Variants in ANKS1A observed in about 807,000 individuals in gnomAD.
The protein encoded by ANKS1A is ankyrin repeat and sterile alpha motif domain containing 1A, also known as ankyrin repeat and SAM domain-containing protein 1A.
A neutral mutation model predicts 120.3 loss-of-function variants in ANKS1A; 55 were observed. The observed-to-expected ratio is 0.46, with a 90% CI of 0.37 to 0.57. The LOEUF (loss-of-function observed/expected upper bound fraction) is 0.57, where lower values mean the gene tolerates loss of function less well. Among genes scored for constraint, ANKS1A ranks in the 20% least tolerant of loss-of-function variants. The pLI is 0.00. For synonymous variants in ANKS1A, 590 were observed against 604.7 expected, an observed-to-expected ratio of 0.98 and a Z score of 0.36; for missense variants, 1,123 against 1,480.3, an observed-to-expected ratio of 0.76 and a Z score of 3.96.
At chr6:34,968,673 G>C (rs897789493) in intron 2 of ANKS1A, among the ~76,000 whole-genome samples, 1 of 152,000 alleles carries the variant, frequency 6.6e-6, no homozygotes, top group African/African-American at 2.4e-5. Flanking sequence ...CCTGACCTCA[G>C]GTGATCCACC....
intron 1 of ANKS1A, among the ~76,000 whole-genome samples, chr6:34,894,324 A>G (rs527299902): frequency 6.6e-6 from 1 of 152,326 alleles, no homozygotes; most frequent in South Asian, 2.1e-4. Flanking sequence ...TCTATCAACT[A>G]AAAGGCCAAA....
At chr6:35,025,508 G>C (rs1774578710) in intron 11 of ANKS1A, among the ~76,000 whole-genome samples, 1 of 151,950 alleles carries the variant, frequency 6.6e-6, no homozygotes, top group Non-Finnish European at 1.5e-5. Flanking sequence ...AGCGGGGTTG[G>C]GGGAGTGGGG....
chr6:34,953,172 A>G (rs1193387436), intron 1 of ANKS1A, among the ~76,000 whole-genome samples: 1 of 152,200 alleles, frequency 6.6e-6, no homozygotes, highest in Admixed American at 6.5e-5. Context: ...ATAATGGCAA[A>G]CAAAACATAT....
At chr6:34,965,425 C>T (rs529746481) in intron 1 of ANKS1A, among the ~76,000 whole-genome samples, 20 of 152,252 alleles carry the variant, frequency 1.3e-4, no homozygotes, top group African/African-American at 3.9e-4. Context: ...GATCTTGGCT[C>T]ACTGCAGCCT....
Position 34,982,191 on chromosome 6 carries a change from G to T in ANKS1A, c.732+205G>T, listed in dbSNP as rs1301497665. ...TCTATTATTTTTTTGTTTCTTTTCA[G>T]GGGGTAATCCGTAGTCATTAAACCC... is the stretch of plus-strand genomic sequence containing the variant. On this transcript the variant is annotated intron_variant, in intron 4 of 23. Transcript: ENST00000360359. The surrounding 1 kb of genome is among the most constrained non-coding windows in gnomAD (Gnocchi z 4.9). 6.6e-6 allele frequency among the ~76,000 whole-genome samples: 1 copy of T among 152,134 alleles called. No individual in the cohort carries two copies. Among genetic ancestry groups the T allele is most frequent in the African/African-American group, 2.4e-5 (1 of 41,420 alleles).
downstream of ANKS1A, among the ~76,000 whole-genome samples, chr6:35,096,395 A>G (rs1330621596): frequency 2.0e-5 from 3 of 152,178 alleles, no homozygotes; most frequent in East Asian, 5.8e-4. Flanking sequence ...CAGAATTTAT[A>G]TCCTATCTGT....
intron 1 of ANKS1A, among the ~76,000 whole-genome samples, chr6:34,935,239 G>T (rs1012346916): frequency 3.9e-5 from 6 of 152,116 alleles, no homozygotes; most frequent in Non-Finnish European, 7.4e-5. Context: ...GGCATGCATT[G>T]CCACACCTAG....
chr6:35,097,508 CA>C, the ANKS1A span, among the ~76,000 whole-genome samples: 60 of 139,542 alleles, frequency 4.3e-4, no homozygotes, highest in Admixed American at 5.1e-4. Context: ...GACTCCGTCT[CA>C]AAAAAAAAAA....
chr6:35,042,495 G>A (rs1362469885), intron 11 of ANKS1A, among the ~76,000 whole-genome samples: 1 of 152,186 alleles, frequency 6.6e-6, no homozygotes, highest in Non-Finnish European at 1.5e-5. Flanking sequence ...TTAGTACCTG[G>A]TAGGAGCACT....
At chr6:34,975,347 G>A (rs1207027387) in intron 3 of ANKS1A, among the ~76,000 whole-genome samples, 4 of 151,992 alleles carry the variant, frequency 2.6e-5, no homozygotes, top group African/African-American at 9.7e-5. Context: ...CCAGCTACTC[G>A]GGAGGCTGAG....
chr6:34,989,378 T>C (rs745762489), intron 9 of ANKS1A, 62 bp downstream of exon 9: 4 of 1,469,000 alleles, frequency 2.7e-6, no homozygotes, highest in Non-Finnish European at 3.8e-6. Flanking sequence ...AGTGCATCGA[T>C]GTGTGCTTTA....
At chr6:35,094,476 A>G (rs995025651), downstream of ANKS1A, among the ~76,000 whole-genome samples, 6 of 152,084 alleles carry the variant, frequency 3.9e-5, no homozygotes, top group African/African-American at 1.4e-4. Flanking sequence ...ACCAAGATGG[A>G]CAGATATTAG....
At chr6:35,070,821 T>C in intron 13 of ANKS1A, 1 of 520,182 alleles carries the variant, frequency 1.9e-6, no homozygotes. Context: ...CCCTTTCTTT[T>C]TTCTTTGTGT....
At position 35,088,683 on chromosome 6, in the gene ANKS1A, CGCCTCACCTGCAGCTCTGAAGACCCAG is replaced by C; in HGVS notation, c.*84_*110del. ...AGGCTCCCACTGCCACCACCGCCATCGCCTCACCTGCAGCTCTGAAGACCCAGGCCTCACCTCCGCCTGCAGGACCTC... is the reference window on the plus strand; with the variant it reads ...AGGCTCCCACTGCCACCACCGCCATCGCCTCACCTCCGCCTGCAGGACCTC... On this transcript the variant is annotated 3_prime_UTR_variant, in exon 24 of 24. Transcript: ENST00000360359. 1 of 1,613,476 alleles carries C rather than the reference CGCCTCACCTGCAGCTCTGAAGACCCAG, an allele frequency of 6.2e-7. No individual in the cohort carries two copies. Among genetic ancestry groups the C allele is most frequent in the Non-Finnish European group, 8.5e-7 (1 of 1,179,598 alleles).
intron 10 of ANKS1A, among the ~76,000 whole-genome samples, chr6:35,017,066 G>C (rs142182107): frequency 0.01 from 1,562 of 151,166 alleles, 27 homozygotes; most frequent in African/African-American, 0.035. Context: ...GCTCGCGCTT[G>C]CTCACTGGTG....
chr6:35,034,326 G>A (rs188630734), intron 11 of ANKS1A, among the ~76,000 whole-genome samples: 116 of 152,272 alleles, frequency 7.6e-4, no homozygotes, highest in African/African-American at 2.3e-3. Flanking sequence ...AGTCAAACCC[G>A]AGACAGACTT....
chr6:35,070,647 G>A (rs887569892), intron 13 of ANKS1A, among the ~76,000 whole-genome samples: 2 of 151,796 alleles, frequency 1.3e-5, no homozygotes, highest in Non-Finnish European at 2.9e-5. Context: ...CTGCCACCAC[G>A]CTAATTTTTT....
chr6:34,893,968 AT>A (rs564349912), intron 1 of ANKS1A, among the ~76,000 whole-genome samples: 2 of 152,184 alleles, frequency 1.3e-5, no homozygotes, highest in Admixed American at 1.3e-4. Context: ...TTTAAATATA[AT>A]TTTTTTACTT....
intron 11 of ANKS1A, among the ~76,000 whole-genome samples, chr6:35,053,157 C>T (rs1776051603): frequency 6.6e-6 from 1 of 152,210 alleles, no homozygotes; most frequent in African/African-American, 2.4e-5. Context: ...AGCATCCAAG[C>T]CCTGGTACAA....
Sources: gnomAD v4.1 joint callset for allele counts (sites outside exome capture counted in the v4.1 genomes callset) on GRCh38, gnomAD v4.1.1 for gene constraint, Gnocchi (gnomAD v3.1) non-coding constraint, MANE v1.5 for transcripts, NCBI Gene and HGNC (gene_info 2026-07-23, HGNC 2026-07-21) for gene names.